CKAP5: variants seen among roughly 807,000 people sequenced by gnomAD.
The protein encoded by CKAP5 is cytoskeleton-associated protein 5.
Under a neutral mutation model 232.8 loss-of-function variants are expected in CKAP5, and 27 were observed. The ratio of observed to expected loss-of-function variants is 0.12; its 90% confidence interval spans 0.09 to 0.16. The LOEUF (loss-of-function observed/expected upper bound fraction) is 0.16. CKAP5 is among the 10% of genes least tolerant of loss of function. The pLI is 1.00. For missense variants in CKAP5, 1,838 were observed against 2,424.7 expected (o/e 0.76, Z 5.08); for synonymous variants, 785 against 841.1 (o/e 0.93, Z 1.16).
chr11:46,765,047 C>A, intron 28 of CKAP5, 84 bp downstream of exon 28: 22 of 1,284,080 alleles, frequency 1.7e-5, no homozygotes, highest in Non-Finnish European at 2.4e-5. Flanking sequence ...AGATATTAAA[C>A]AATAACATGA....
chr11:46,780,427 C>A lies in CKAP5; in HGVS notation c.2307+1G>T. The stretch of plus-strand genomic sequence containing the variant: ...CCCTATATATGTTGTTATGTACTCA[C>A]TGGGTTTGTTGCAGCAAGAGCTGTC... On this transcript the variant is annotated splice_donor_variant, in intron 19 of 43. Coordinates refer to ENST00000529230, the MANE Select transcript of CKAP5 (RefSeq NM_001008938.4). LOFTEE classifies it high-confidence loss of function. 1 of 1,613,950 alleles carries A rather than the reference C, an allele frequency of 6.2e-7. No individual in the cohort carries two copies. The highest frequency in any genetic ancestry group is 8.5e-7 in the Non-Finnish European group (1 of 1,179,874).
At chr11:46,795,807 A>C (rs772410390) in intron 12 of CKAP5, 31 bp from the exon 13 acceptor site, 1 of 1,576,462 alleles carries the variant, frequency 6.3e-7, no homozygotes, top group East Asian at 2.2e-5. Flanking sequence ...GAACATCATT[A>C]AGCCCAACTT....
Position 46,751,332 on chromosome 11 carries a change from C to A in CKAP5, c.5322+14G>T. ...CTCAAGCTCCCTCAGAGACCAGTTG[C>A]GATTCTTACTCACCTTGGGCCCTTT... On this transcript the variant is annotated intron_variant, in intron 39 of 43. Transcript: ENST00000529230. 1 of 1,613,780 alleles carries A rather than the reference C, an allele frequency of 6.2e-7. No individual in the cohort carries two copies. The highest frequency in any genetic ancestry group is 8.5e-7 in the Non-Finnish European group (1 of 1,179,786).
intron 3 of CKAP5, among the ~76,000 whole-genome samples, chr11:46,817,675 T>A (rs1184832739): frequency 6.6e-6 from 1 of 150,538 alleles, no homozygotes; most frequent in Non-Finnish European, 1.5e-5. Context: ...TGTTTCAACT[T>A]TTTTTTTTGT....
chr11:46,830,840 G>A (rs1361626069), intron 1 of CKAP5, among the ~76,000 whole-genome samples: 4 of 151,960 alleles, frequency 2.6e-5, no homozygotes, highest in African/African-American at 4.8e-5. Flanking sequence ...AGGTGGGGGC[G>A]GATCACGAGG....
chr11:46,807,528 A>C (rs1359168992), intron 8 of CKAP5, among the ~76,000 whole-genome samples: 1 of 152,212 alleles, frequency 6.6e-6, no homozygotes, highest in African/African-American at 2.4e-5. Flanking sequence ...ACTACATACA[A>C]AATGTCCACC....
At chr11:46,839,635 T>G (rs1156364505) in intron 1 of CKAP5, among the ~76,000 whole-genome samples, 1 of 152,182 alleles carries the variant, frequency 6.6e-6, no homozygotes, top group South Asian at 2.1e-4. Context: ...TAAAAGGGGC[T>G]GGGGGAATTC....
rs757959002 is a variant in CKAP5 at position 46,780,221 on chromosome 11, T to G, written c.2406A>C (p.Leu802=). 1.9e-6 allele frequency: 3 copies of G among 1,614,090 alleles called. No homozygotes were observed. The highest frequency in any genetic ancestry group is 2.5e-6 in the Non-Finnish European group (3 of 1,179,946). The stretch of plus-strand genomic sequence containing the variant: ...TCTCAAATTCTGCATCTATCTGGGA[T>G]AGGAGGGCAGGCTTCTCATCCTCAA... ...MFFEDEKPAL[L]SQIDAEFEKM... is the part of the protein sequence containing the mutation. The change falls in exon 20 of 44, where the codon CTA becomes CTC. Residue 802 remains leucine, a synonymous_variant. Transcript: ENST00000529230.
At chr11:46,781,491 C>G (rs542280772) in intron 18 of CKAP5, among the ~76,000 whole-genome samples, 4 of 152,260 alleles carry the variant, frequency 2.6e-5, no homozygotes, top group Admixed American at 2.0e-4. Context: ...ATGACCTAGC[C>G]CCTATTCTTT....
chr11:46,789,307 A>G (rs2065425612), intron 15 of CKAP5, among the ~76,000 whole-genome samples: 1 of 152,222 alleles, frequency 6.6e-6, no homozygotes, highest in African/African-American at 2.4e-5. Flanking sequence ...ATCACCCGGT[A>G]TATGCCAAAA....
chr11:46,795,051 A>G (rs1314806151), intron 13 of CKAP5, among the ~76,000 whole-genome samples: 2 of 152,110 alleles, frequency 1.3e-5, no homozygotes. Flanking sequence ...AAGACAGACC[A>G]GGCACGGTGG....
intron 37 of CKAP5, 49 bp from the exon 38 acceptor site, chr11:46,752,759 C>A: frequency 7.1e-7 from 1 of 1,417,562 alleles, no homozygotes; most frequent in Non-Finnish European, 9.9e-7. Context: ...ACCTGCATTC[C>A]AATTAGAATC....
rs141642961 is a variant in CKAP5, at chr11:46,810,387, C to T, written c.631-513G>A. Among the ~76,000 whole-genome samples the T allele has an allele frequency of 5.5e-3, 830 of 152,292 alleles. 7 individuals are homozygous for T. Among genetic ancestry groups the T allele is most frequent in the African/African-American group, 0.019 (801 of 41,542 alleles). ...CAGGCTGGACAATTTTGGCTCACTG[C>T]AGCCTCCACCTCCCCAGGTTCAGGT... is the stretch of plus-strand genomic sequence containing the variant. On this transcript the variant is annotated intron_variant, in intron 5 of 43. Transcript: ENST00000529230.
intron 1 of CKAP5, among the ~76,000 whole-genome samples, chr11:46,845,703 G>C (rs559541822): frequency 1.3e-5 from 2 of 152,350 alleles, no homozygotes; most frequent in Admixed American, 6.5e-5. Flanking sequence ...GTGGATGATC[G>C]GAATCGTTCA....
Position 46,743,728 on chromosome 11 carries a change from G to A in CKAP5, c.*295C>T. 1.1e-5 allele frequency: 3 copies of A among 281,222 alleles called. No homozygotes were observed. Among genetic ancestry groups the A allele is most frequent in the Non-Finnish European group, 2.0e-5 (3 of 152,510 alleles). 17.4% of individuals were successfully genotyped at this position (281,222 alleles called of 1,614,324 possible). Reference sequence around the variant, plus strand: ...AAGATTAGGACAATTTTACAAATGAGCAATTAAAAAGAAAAGAAAAGGATC... The same window carrying A: ...AAGATTAGGACAATTTTACAAATGAACAATTAAAAAGAAAAGAAAAGGATC... On this transcript the variant is annotated 3_prime_UTR_variant, in exon 44 of 44. Coordinates refer to ENST00000529230, the MANE Select transcript of CKAP5 (RefSeq NM_001008938.4).
At chr11:46,787,424 AAAGAG>A (rs1158046672) in intron 16 of CKAP5, among the ~76,000 whole-genome samples, 1 of 152,198 alleles carries the variant, frequency 6.6e-6, no homozygotes, top group African/African-American at 2.4e-5. Flanking sequence ...ACATCTAGAA[AAAGAG>A]AAGGAAACTT....
intron 35 of CKAP5, among the ~76,000 whole-genome samples, chr11:46,756,183 G>A (rs984703908): frequency 6.6e-6 from 1 of 152,118 alleles, no homozygotes; most frequent in South Asian, 2.1e-4. Flanking sequence ...AAGTTCTGTG[G>A]ATTCTACTTC....
intron 1 of CKAP5, among the ~76,000 whole-genome samples, chr11:46,841,981 GA>G (rs1456710486): frequency 8.8e-6 from 1 of 113,960 alleles, no homozygotes; most frequent in African/African-American, 3.4e-5. Flanking sequence ...CCTGGAGAAA[GA>G]GTAAGACTTT....
At chr11:46,802,261 C>A (rs1333802053) in intron 8 of CKAP5, 1 of 152,250 alleles carries the variant, frequency 6.6e-6, no homozygotes, top group African/African-American at 2.4e-5. Context: ...CAGCACTTAT[C>A]TAAACTCACG....
Sources: gnomAD v4.1 joint callset for allele counts (sites outside exome capture counted in the v4.1 genomes callset) on GRCh38, gnomAD v4.1.1 for gene constraint, MANE v1.5 for transcripts, NCBI Gene and HGNC (gene_info 2026-07-23, HGNC 2026-07-21) for gene names.